PRELID2: variants seen among roughly 807,000 people sequenced by gnomAD.
The protein encoded by PRELID2 is PRELI domain-containing protein 2.
A neutral mutation model predicts 28.4 loss-of-function variants in PRELID2; 25 were observed. That is an observed-to-expected ratio of 0.88 (90% CI 0.64 to 1.23). The LOEUF is 1.23. Among genes scored for constraint, PRELID2 ranks in the 50% most tolerant of loss-of-function variants. The pLI, the probability that PRELID2 is intolerant of heterozygous loss-of-function variation, is 0.00. For synonymous variants in PRELID2, 76 were observed against 71.6 expected, an observed-to-expected ratio of 1.06 and a Z score of -0.31; for missense variants, 201 against 214.4, an observed-to-expected ratio of 0.94 and a Z score of 0.39.
intron 1 of PRELID2, among the ~76,000 whole-genome samples, chr5:145,509,749 G>A (rs569853467): frequency 1.3e-5 from 2 of 152,292 alleles, no homozygotes; most frequent in East Asian, 3.8e-4. Context: ...TAAAGCAGAT[G>A]CTGTTTTCTT....
the PRELID2 span, among the ~76,000 whole-genome samples, chr5:145,245,507 G>A: frequency 6.6e-6 from 1 of 152,068 alleles, no homozygotes; most frequent in East Asian, 1.9e-4. Context: ...TTCTGGCTAG[G>A]CCTGCTCCTC....
intron 1 of PRELID2, among the ~76,000 whole-genome samples, chr5:145,501,540 T>G (rs569432939): frequency 2.1e-4 from 32 of 152,302 alleles, no homozygotes; most frequent in African/African-American, 7.2e-4. Context: ...ATAAGTCTCA[T>G]GAGAGCTGAT....
chr5:145,305,203 AG>A, the PRELID2 span, among the ~76,000 whole-genome samples: 1 of 152,212 alleles, frequency 6.6e-6, no homozygotes, highest in Non-Finnish European at 1.5e-5. Flanking sequence ...GGAAAGCAAA[AG>A]GATGAGTAGT....
the PRELID2 span, among the ~76,000 whole-genome samples, chr5:145,325,954 T>C: frequency 6.6e-6 from 1 of 152,046 alleles, no homozygotes; most frequent in African/African-American, 2.4e-5. Flanking sequence ...ACATGAACGC[T>C]CCAAAAATAC....
the PRELID2 span, among the ~76,000 whole-genome samples, chr5:145,418,239 G>C: frequency 1.1e-4 from 17 of 151,952 alleles, no homozygotes; most frequent in Non-Finnish European, 1.6e-4. Context: ...AAATAAGAAA[G>C]GACATAAACA....
Position 145,758,510 on chromosome 5 carries a change from T to C in PRELID2, c.*2026A>G, listed in dbSNP as rs1032292881. Among the ~76,000 whole-genome samples, 9 of 152,272 alleles carry C rather than the reference T, an allele frequency of 5.9e-5. No homozygotes were observed. The highest frequency in any genetic ancestry group is 4.1e-4 in the South Asian group (2 of 4,826). On this transcript the variant is annotated 3_prime_UTR_variant, in exon 7 of 7. Transcript: ENST00000683046. The stretch of plus-strand genomic sequence containing the variant: ...CTGAGAAGCAACCCAGGCATCAGAA[T>C]TGCAGAAAGCTCCCCAAGCAATCCT...
chr5:145,780,181 C>T (rs1376920085), intron 5 of PRELID2, among the ~76,000 whole-genome samples: 3 of 152,128 alleles, frequency 2.0e-5, no homozygotes, highest in Non-Finnish European at 4.4e-5. Context: ...GGTGTGGTGG[C>T]AGGTGCCTGT....
intron 1 of PRELID2, among the ~76,000 whole-genome samples, chr5:145,615,567 C>G (rs1753685832): frequency 8.5e-6 from 1 of 117,186 alleles, no homozygotes; most frequent in African/African-American, 4.0e-5. Context: ...ACCTCGTGAT[C>G]TGCCCGCCTC....
At chr5:145,324,917 G>GGTTCT in the PRELID2 span, among the ~76,000 whole-genome samples, 1 of 152,180 alleles carries the variant, frequency 6.6e-6, no homozygotes, top group East Asian at 1.9e-4. Context: ...AGTATTTGTA[G>GGTTCT]GTTCTGTTTC....
chr5:145,648,301 A>G (rs1312088381), intron 1 of PRELID2, among the ~76,000 whole-genome samples: 1 of 152,206 alleles, frequency 6.6e-6, no homozygotes, highest in Non-Finnish European at 1.5e-5. Context: ...CTACAGTGTC[A>G]TTTATAGAGT....
intron 1 of PRELID2, among the ~76,000 whole-genome samples, chr5:145,731,426 G>C (rs755636470): frequency 2.0e-5 from 3 of 152,230 alleles, no homozygotes; most frequent in Non-Finnish European, 4.4e-5. Context: ...AAAGTGGTCT[G>C]AACACTGTGG....
At chr5:145,235,278 C>A in the PRELID2 span, among the ~76,000 whole-genome samples, 1 of 152,052 alleles carries the variant, frequency 6.6e-6, no homozygotes, top group Non-Finnish European at 1.5e-5. Flanking sequence ...GGTGACAGAG[C>A]CCCTCAATCC....
chr5:145,515,039 C>T (rs1752504150), intron 1 of PRELID2, among the ~76,000 whole-genome samples: 1 of 152,100 alleles, frequency 6.6e-6, no homozygotes, highest in Non-Finnish European at 1.5e-5. Flanking sequence ...CACTAAATGG[C>T]CACAGGACAA....
chr5:145,556,911 TTC>T (rs1491057652), intron 1 of PRELID2, among the ~76,000 whole-genome samples: 3 of 152,204 alleles, frequency 2.0e-5, no homozygotes, highest in Admixed American at 2.0e-4. Context: ...CCAGCATTTT[TTC>T]TTTTTTCAGG....
At chr5:145,777,822 G>A (rs932011457) in intron 5 of PRELID2, among the ~76,000 whole-genome samples, 12 of 152,124 alleles carry the variant, frequency 7.9e-5, no homozygotes, top group Non-Finnish European at 1.5e-5. Context: ...TGGGGGCCAG[G>A]GGGTGGGAAG....
the PRELID2 span, among the ~76,000 whole-genome samples, chr5:145,250,571 G>T: frequency 6.6e-6 from 1 of 152,112 alleles, no homozygotes; most frequent in Non-Finnish European, 1.5e-5. Flanking sequence ...TGGGATGTTG[G>T]GTTGTTCTGA....
chr5:145,702,935 T>C (rs1213836184), intron 1 of PRELID2, among the ~76,000 whole-genome samples: 1 of 152,162 alleles, frequency 6.6e-6, no homozygotes, highest in Non-Finnish European at 1.5e-5. Context: ...TTTAGCAGAT[T>C]GATATATAAT....
chr5:145,672,890 G>C (rs1581044858), intron 1 of PRELID2, among the ~76,000 whole-genome samples: 1 of 152,180 alleles, frequency 6.6e-6, no homozygotes, highest in East Asian at 1.9e-4. Flanking sequence ...AATTTTATTT[G>C]AATTATAAAA....
At chr5:145,494,846 G>A (rs1752296952) in intron 1 of PRELID2, among the ~76,000 whole-genome samples, 1 of 152,002 alleles carries the variant, frequency 6.6e-6, no homozygotes, top group Admixed American at 6.6e-5. Flanking sequence ...ACTTGTTTAG[G>A]GGCAAAAATC....
Sources: gnomAD v4.1 joint callset for allele counts (sites outside exome capture counted in the v4.1 genomes callset) on GRCh38, gnomAD v4.1.1 for gene constraint, MANE v1.5 for transcripts, NCBI Gene and HGNC (gene_info 2026-07-23, HGNC 2026-07-21) for gene names.